Variants in NBEA observed in about 807,000 individuals in gnomAD.
NBEA encodes neurobeachin.
Under a neutral mutation model 343.4 loss-of-function variants are expected in NBEA, and 44 were observed. That is an observed-to-expected ratio of 0.13 (90% confidence interval 0.10 to 0.16). NBEA has a LOEUF of 0.16. Among genes scored for constraint, NBEA ranks in the 10% least tolerant of loss-of-function variants. The pLI is 1.00. For synonymous variants in NBEA, 1,175 were observed against 1,238.7 expected (o/e 0.95, Z 1.08); for missense variants, 2,555 against 3,631.3 (o/e 0.70, Z 7.62).
At chr13:35,477,104 C>A (rs1298176931) in intron 41 of NBEA, 1 of 166,958 alleles carries the variant, frequency 6.0e-6, no homozygotes, top group Non-Finnish European at 1.5e-5. Context: ...AGATAATTAA[C>A]GTCTGTTAAT....
At chr13:35,602,584 A>C (rs763950468) in intron 47 of NBEA, among the ~76,000 whole-genome samples, 1 of 152,292 alleles carries the variant, frequency 6.6e-6, no homozygotes, top group South Asian at 2.1e-4. Flanking sequence ...GATTGTTTCC[A>C]TTATGAGAAA....
At chr13:35,132,298 C>T (rs1278592984) in intron 17 of NBEA, among the ~76,000 whole-genome samples, 1 of 152,152 alleles carries the variant, frequency 6.6e-6, no homozygotes, top group Non-Finnish European at 1.5e-5. Flanking sequence ...GCCAGGACTA[C>T]AGGTGCGTGC....
chr13:35,302,108 A>G (rs1050607310), intron 35 of NBEA, among the ~76,000 whole-genome samples: 3 of 152,174 alleles, frequency 2.0e-5, no homozygotes, highest in African/African-American at 7.2e-5. Context: ...CCAGAATCAC[A>G]AATGTTCTAT....
At chr13:35,070,226 C>G in intron 9 of NBEA, 121 bp downstream of exon 9, 1 of 981,326 alleles carries the variant, frequency 1.0e-6, no homozygotes, top group Non-Finnish European at 1.4e-6. Context: ...TTGGCTTTTG[C>G]AGATCTTTTA....
intron 1 of NBEA, among the ~76,000 whole-genome samples, chr13:34,996,067 A>G (rs115520224): frequency 0.012 from 1,763 of 152,298 alleles, 43 homozygotes; most frequent in African/African-American, 0.04. Context: ...TCACAATACT[A>G]ATTTGAAATT....
intron 10 of NBEA, among the ~76,000 whole-genome samples, chr13:35,086,347 A>G (rs987043777): frequency 6.6e-6 from 1 of 152,136 alleles, no homozygotes; most frequent in Admixed American, 6.6e-5. Flanking sequence ...ACATTGTTGC[A>G]AACTATAGTC....
intron 27 of NBEA, among the ~76,000 whole-genome samples, chr13:35,174,790 A>G (rs2070745749): frequency 6.6e-6 from 1 of 151,660 alleles, no homozygotes; most frequent in African/African-American, 2.4e-5. Flanking sequence ...TTGTAACTTC[A>G]GAGTAATTTT....
chr13:35,148,435 C>A (rs1462338798), intron 18 of NBEA, among the ~76,000 whole-genome samples: 1 of 152,000 alleles, frequency 6.6e-6, no homozygotes, highest in Admixed American at 6.6e-5. Flanking sequence ...GTTTGTTGAC[C>A]ACTGCTCTAC....
intron 34 of NBEA, chr13:35,251,585 T>C: frequency 8.2e-7 from 1 of 1,216,364 alleles, no homozygotes; most frequent in Non-Finnish European, 1.1e-6. Flanking sequence ...ACAGAAGCAG[T>C]GGAAGCCAAA....
intron 57 of NBEA, among the ~76,000 whole-genome samples, chr13:35,667,902 A>G (rs774722078): frequency 1.7e-4 from 26 of 152,230 alleles, no homozygotes; most frequent in Non-Finnish European, 3.1e-4. Context: ...AAAGATTTCT[A>G]TCTCTAGAAC....
Position 35,641,846 on chromosome 13 carries a change from A to G in NBEA, c.7618-4023A>G, listed in dbSNP as rs7324087. ...TGAAAAAATGTATATACATACATAT[A>G]TACATTCATCAAGCTGTACACTTAA... On this transcript the variant is annotated intron_variant, in intron 49 of 58. Transcript: ENST00000379939. Among the ~76,000 whole-genome samples the G allele has an allele frequency of 3.5e-3, 526 of 152,264 alleles. 6 individuals carry two copies. The highest frequency in any genetic ancestry group is 0.012 in the African/African-American group (496 of 41,556).
At chr13:35,536,894 C>T (rs1282856150) in intron 41 of NBEA, among the ~76,000 whole-genome samples, 1 of 152,198 alleles carries the variant, frequency 6.6e-6, no homozygotes, top group Non-Finnish European at 1.5e-5. Context: ...CCATTGGCTC[C>T]CTCACAGCAT....
chr13:34,953,286 T>G (rs111351737), intron 1 of NBEA, among the ~76,000 whole-genome samples: 2,403 of 152,300 alleles, frequency 0.016, 66 homozygotes, highest in African/African-American at 0.049. Context: ...TCACTTAATT[T>G]ATACTAATTC....
chr13:35,254,559 CA>C (rs2032364825), intron 34 of NBEA, among the ~76,000 whole-genome samples: 1 of 151,972 alleles, frequency 6.6e-6, no homozygotes, highest in South Asian at 2.1e-4. Context: ...TGGGCTCAAG[CA>C]GTCCTTCCAC....
At chr13:35,005,796 G>A (rs140043944) in intron 1 of NBEA, among the ~76,000 whole-genome samples, 6 of 152,274 alleles carry the variant, frequency 3.9e-5, no homozygotes, top group African/African-American at 1.4e-4. Context: ...AATAAGTTAG[G>A]CAAAAGACAG....
chr13:35,320,287 C>G (rs2038046965), intron 36 of NBEA, among the ~76,000 whole-genome samples: 1 of 152,134 alleles, frequency 6.6e-6, no homozygotes, highest in Admixed American at 6.6e-5. Flanking sequence ...GCAAGGCAGA[C>G]CTGGTGGTGA....
At chr13:35,273,402 A>C (rs1191423779) in intron 34 of NBEA, among the ~76,000 whole-genome samples, 1 of 152,214 alleles carries the variant, frequency 6.6e-6, no homozygotes, top group East Asian at 1.9e-4. Context: ...GAGAAAGCGG[A>C]AAGCAGAAAA....
At chr13:35,025,047 A>G (rs917672136) in intron 1 of NBEA, among the ~76,000 whole-genome samples, 37 of 152,018 alleles carry the variant, frequency 2.4e-4, no homozygotes, top group Middle Eastern at 3.2e-3. Context: ...TGATTTGTTC[A>G]TATTTCTTAT....
intron 58 of NBEA, among the ~76,000 whole-genome samples, chr13:35,669,414 A>T (rs772533471): frequency 2.6e-5 from 4 of 152,238 alleles, no homozygotes; most frequent in Non-Finnish European, 5.9e-5. Context: ...AAATATTAAG[A>T]CATAATAAAG....
Sources: gnomAD v4.1 joint callset for allele counts (sites outside exome capture counted in the v4.1 genomes callset) on GRCh38, gnomAD v4.1.1 for gene constraint, MANE v1.5 for transcripts, NCBI Gene and HGNC (gene_info 2026-07-23, HGNC 2026-07-21) for gene names.